XIAP: variants seen among roughly 807,000 people sequenced by gnomAD.
XIAP encodes the protein E3 ubiquitin-protein ligase XIAP.
XIAP carries 3 observed loss-of-function variants against 33.1 expected under a neutral mutation model. That is an observed-to-expected ratio of 0.09 (90% CI 0.04 to 0.23). The LOEUF (loss-of-function observed/expected upper bound fraction) is 0.23. Ranked by LOEUF, XIAP falls within the 10% of genes least tolerant of loss-of-function variation. The pLI is 1.00. For synonymous variants in XIAP, 98 were observed against 121.3 expected (o/e 0.81, Z 1.26); for missense variants, 264 against 363.0 (o/e 0.73, Z 2.22).
Position 123,872,198 on chromosome X carries a change from G to A in XIAP, c.-33+11905G>A, listed in dbSNP as rs140212676. On this transcript the variant is annotated intron_variant, in intron 1 of 6. Transcript: ENST00000371199. ...AGGGAAGTTTTTGCCCAAAGTTCGC[G>A]GATACTTCTTTCTTCTTACCAGGCC... Among the ~76,000 whole-genome samples the A allele has an allele frequency of 9.7e-3, 1,081 of 110,920 alleles. 16 individuals are homozygous for A. Among genetic ancestry groups the A allele is most frequent in the African/African-American group, 0.033 (1,015 of 30,516 alleles).
intron 1 of XIAP, among the ~76,000 whole-genome samples, chrX:123,871,519 T>C (rs1421514639): frequency 9.2e-6 from 1 of 109,042 alleles, no homozygotes; most frequent in Admixed American, 9.9e-5. Context: ...TCTTTTTCTT[T>C]CTTTTTTTTT....
intron 1 of XIAP, among the ~76,000 whole-genome samples, chrX:123,883,271 T>G (rs1358826233): frequency 1.9e-5 from 2 of 103,698 alleles, no homozygotes; most frequent in East Asian, 3.1e-4. Flanking sequence ...TTAGTAGAGG[T>G]GGGGGTTTCA....
intron 1 of XIAP, chrX:123,874,024 G>T (rs1312321933): frequency 9.1e-6 from 1 of 109,697 alleles, no homozygotes; most frequent in Admixed American, 9.9e-5. Flanking sequence ...AAAAAGATAA[G>T]AACCAAAGAA....
intron 4 of XIAP, among the ~76,000 whole-genome samples, chrX:123,892,313 G>T (rs757529757): frequency 2.1e-4 from 23 of 111,285 alleles, no homozygotes; most frequent in Non-Finnish European, 4.3e-4. Context: ...GTTGCAGTGA[G>T]CTGAGATCAC....
intron 1 of XIAP, chrX:123,878,722 AGTTT>A (rs2053269721): frequency 8.9e-6 from 1 of 112,226 alleles, no homozygotes; most frequent in Admixed American, 9.5e-5. Flanking sequence ...CTCAAGAATG[AGTTT>A]GTTCTGTTTA....
rs1205963486 is a variant in XIAP at position 123,910,105 on chromosome X, A to T, written c.*2924A>T. On this transcript the variant is annotated 3_prime_UTR_variant, in exon 7 of 7. Coordinates refer to ENST00000371199, the MANE Select transcript of XIAP (RefSeq NM_001167.4). ...AGTTTTGCAATAAGTACTTATCTTT[A>T]TTTGTAATAATTTAGTCTGCTGATC... 1 of 322,464 alleles carries T rather than the reference A, an allele frequency of 3.1e-6. No homozygotes were observed. The highest frequency in any genetic ancestry group is 9.8e-5 in the East Asian group (1 of 10,237). 26.6% of individuals were successfully genotyped at this position (322,464 alleles called of 1,213,427 possible).
At chrX:123,904,027 C>G (rs759454903) in intron 6 of XIAP, among the ~76,000 whole-genome samples, 4 of 111,811 alleles carry the variant, frequency 3.6e-5, no homozygotes, top group Non-Finnish European at 7.5e-5. Context: ...CCCCTGGCAA[C>G]TACCATTTTA....
intron 1 of XIAP, among the ~76,000 whole-genome samples, chrX:123,863,068 C>T (rs2053096459): frequency 9.0e-6 from 1 of 110,538 alleles, no homozygotes; most frequent in Non-Finnish European, 1.9e-5. Flanking sequence ...CCAGCCTGGG[C>T]GAAAGAGTGA....
At position 123,912,121 on chromosome X, in the gene XIAP, A is replaced by G. The variant is rs2053607582; in HGVS notation, c.*4940A>G. 3.1e-6 allele frequency: 1 copy of G among 323,942 alleles called. No individual in the cohort carries two copies. Among genetic ancestry groups the G allele is most frequent in the Non-Finnish European group, 5.9e-6 (1 of 168,627 alleles). The allele number at this position is 323,942 out of a possible 1,213,427, so 26.7% of individuals were successfully genotyped here. A position where few individuals can be genotyped will look rare whatever the true frequency, so the allele number is the denominator to read the frequency against. On this transcript the variant is annotated 3_prime_UTR_variant, in exon 7 of 7. Transcript: ENST00000371199. ...TATTAAATGACACTTTATAACTAATATAATAGGACAATCATCAATGCATAT... is the reference window on the plus strand; with the variant it reads ...TATTAAATGACACTTTATAACTAATGTAATAGGACAATCATCAATGCATAT...
At chrX:123,897,971 C>A (rs2053475887) in intron 5 of XIAP, among the ~76,000 whole-genome samples, 1 of 112,212 alleles carries the variant, frequency 8.9e-6, no homozygotes, top group African/African-American at 3.2e-5. Flanking sequence ...AAAAACAAGT[C>A]AAAGATAGGA....
intron 1 of XIAP, among the ~76,000 whole-genome samples, chrX:123,866,568 A>G (rs1051288681): frequency 3.7e-4 from 37 of 100,506 alleles, no homozygotes; most frequent in African/African-American, 1.2e-3. Context: ...GATATATATA[A>G]TATAGTATAT....
intron 1 of XIAP, among the ~76,000 whole-genome samples, chrX:123,867,696 G>A (rs1253326821): frequency 1.4e-5 from 1 of 69,357 alleles, no homozygotes; most frequent in Non-Finnish European, 2.6e-5. Flanking sequence ...TTTTTGAGAC[G>A]GAGTTTTGCT....
intron 5 of XIAP, among the ~76,000 whole-genome samples, chrX:123,893,362 A>G (rs2053426235): frequency 9.5e-6 from 1 of 105,483 alleles, no homozygotes; most frequent in Admixed American, 1.0e-4. Context: ...TACTAAAAAT[A>G]CAAAAAAAAA....
At chrX:123,888,868 C>T in intron 3 of XIAP, 150 bp downstream of exon 3, 1 of 502,799 alleles carries the variant, frequency 2.0e-6, no homozygotes, top group Non-Finnish European at 3.5e-6. Context: ...TAAGCCTTCT[C>T]TGATGACCAA....
chrX:123,866,641 A>C (rs893519683), intron 1 of XIAP, among the ~76,000 whole-genome samples: 2 of 103,412 alleles, frequency 1.9e-5, no homozygotes, highest in African/African-American at 6.9e-5. Flanking sequence ...AAATATATAT[A>C]ATATATAACA....
At position 123,913,561 on chromosome X, in the gene XIAP, C is replaced by G. The variant is rs756667996; in HGVS notation, c.*6380C>G. ...TTGAATCTGAAGTTTGCAGATATGC[C>G]TATAGATTTTTGGAGTTTACCACTT... On this transcript the variant is annotated 3_prime_UTR_variant, in exon 7 of 7. Coordinates refer to ENST00000371199, the MANE Select transcript of XIAP (RefSeq NM_001167.4). 3.1e-6 allele frequency: 1 copy of G among 324,070 alleles called. No individual in the cohort carries two copies. The highest frequency in any genetic ancestry group is 3.2e-5 in the Admixed American group (1 of 31,374). The allele number at this position is 324,070 out of a possible 1,213,427, so 26.7% of individuals were successfully genotyped here.
At chrX:123,901,990 G>A (rs752498405) in intron 6 of XIAP, among the ~76,000 whole-genome samples, 42 of 111,365 alleles carry the variant, frequency 3.8e-4, no homozygotes, top group East Asian at 5.6e-4. Flanking sequence ...GTGCCACCAC[G>A]CCCGGCTAAT....
chrX:123,862,402 G>A (rs60865608), intron 1 of XIAP, among the ~76,000 whole-genome samples: 17,085 of 97,651 alleles, frequency 0.17, 1,275 homozygotes, highest in South Asian at 0.39. Flanking sequence ...ACAGAGTTTC[G>A]CTTTTGTTTC....
intron 2 of XIAP, among the ~76,000 whole-genome samples, chrX:123,887,987 A>G (rs1192631538): frequency 1.9e-5 from 2 of 103,180 alleles, no homozygotes; most frequent in Non-Finnish European, 3.9e-5. Context: ...TCCATCTCAG[A>G]AAAAAATAAT....
Sources: allele counts gnomAD v4.1 joint callset (sites outside exome capture counted in the v4.1 genomes callset), GRCh38; gene constraint gnomAD v4.1.1; transcripts MANE v1.5; gene names NCBI Gene and HGNC (gene_info 2026-07-23, HGNC 2026-07-21).